LRMDA: variants seen among roughly 807,000 people sequenced by gnomAD.
The protein encoded by LRMDA is leucine-rich melanocyte differentiation-associated protein.
LRMDA carries 18 observed loss-of-function variants against 29.8 expected under a neutral mutation model. The observed-to-expected ratio is 0.60, with a 90% confidence interval of 0.42 to 0.90. LRMDA has a LOEUF of 0.90. LRMDA is among the 40% of genes least tolerant of loss of function. The pLI is 0.00. For synonymous variants in LRMDA, 125 were observed against 109.4 expected (o/e 1.14, Z -0.89); for missense variants, 273 against 273.9 (o/e 1.00, Z 0.02).
rs116786511 is a variant in LRMDA at position 76,083,850 on chromosome 10, A to G, written c.516+25067A>G. Among the ~76,000 whole-genome samples, 488 of 149,524 alleles carry G rather than the reference A, an allele frequency of 3.3e-3. 2 individuals carry two copies. The highest frequency in any genetic ancestry group is 7.2e-3 in the African/African-American group (296 of 40,946). On this transcript the variant is annotated intron_variant, in intron 5 of 6. Coordinates refer to ENST00000611255, the MANE Select transcript of LRMDA (RefSeq NM_001305581.2). The stretch of plus-strand genomic sequence containing the variant: ...CTGCATCTCAAAAAAAAAAAAAAAA[A>G]GGGGCTCTAGTGCATCTTGTGGGGA...
intron 3 of LRMDA, among the ~76,000 whole-genome samples, chr10:76,039,815 T>C (rs1295953243): frequency 2.6e-5 from 4 of 152,234 alleles, no homozygotes; most frequent in African/African-American, 9.6e-5. Context: ...TCAGACATAT[T>C]AGATTCTAGT....
At chr10:75,559,772 C>A (rs1840266992) in intron 2 of LRMDA, among the ~76,000 whole-genome samples, 1 of 118,710 alleles carries the variant, frequency 8.4e-6, no homozygotes, top group Non-Finnish European at 2.0e-5. Flanking sequence ...TTTCCCAGCA[C>A]CATTTATTAA....
intron 2 of LRMDA, among the ~76,000 whole-genome samples, chr10:75,607,614 C>T (rs72809444): frequency 0.013 from 1,927 of 152,214 alleles, 21 homozygotes; most frequent in Non-Finnish European, 0.02. Context: ...TAAACAAATG[C>T]TAAAGCATTA....
At chr10:75,659,240 C>T (rs1841718540) in intron 2 of LRMDA, among the ~76,000 whole-genome samples, 3 of 152,332 alleles carry the variant, frequency 2.0e-5, no homozygotes, top group East Asian at 1.9e-4. Flanking sequence ...TCTCAGTTTA[C>T]GTTACTTTCT....
chr10:76,189,466 A>C (rs923058292), intron 5 of LRMDA, among the ~76,000 whole-genome samples: 1 of 152,150 alleles, frequency 6.6e-6, no homozygotes, highest in Non-Finnish European at 1.5e-5. Context: ...GTTGGACAGT[A>C]CCACCCTGTT....
At chr10:75,562,887 G>C (rs1840317156) in intron 2 of LRMDA, among the ~76,000 whole-genome samples, 1 of 152,138 alleles carries the variant, frequency 6.6e-6, no homozygotes, top group African/African-American at 2.4e-5. Context: ...TAGAGTTTCT[G>C]CTGAGAGATC....
chr10:75,459,819 A>C (rs899398556), intron 2 of LRMDA, among the ~76,000 whole-genome samples: 2 of 152,206 alleles, frequency 1.3e-5, no homozygotes, highest in African/African-American at 4.8e-5. Context: ...GTGGAAGTGC[A>C]AGGGCAAGAG....
intron 5 of LRMDA, among the ~76,000 whole-genome samples, chr10:76,127,744 T>C (rs1452069943): frequency 1.3e-5 from 2 of 152,176 alleles, no homozygotes; most frequent in Non-Finnish European, 2.9e-5. Context: ...AGGAGACTTT[T>C]AAAGTTCTAG....
chr10:75,750,703 C>T (rs1018810221), intron 2 of LRMDA, among the ~76,000 whole-genome samples: 2 of 138,176 alleles, frequency 1.4e-5, no homozygotes, highest in Non-Finnish European at 3.1e-5. Context: ...AGAGGCTCTC[C>T]TCACATCCCA....
intron 6 of LRMDA, among the ~76,000 whole-genome samples, chr10:76,448,545 G>A (rs1842375354): frequency 6.6e-6 from 1 of 151,950 alleles, no homozygotes; most frequent in Non-Finnish European, 1.5e-5. Flanking sequence ...TTACCAGTAG[G>A]ATAGATGAAA....
At chr10:75,659,687 A>G (rs1736823197) in intron 2 of LRMDA, among the ~76,000 whole-genome samples, 2 of 152,244 alleles carry the variant, frequency 1.3e-5, no homozygotes, top group African/African-American at 2.4e-5. Context: ...ACTTTCAGTT[A>G]TAAGATGAGT....
At chr10:75,822,110 C>A (rs1168864036) in intron 2 of LRMDA, among the ~76,000 whole-genome samples, 1 of 152,120 alleles carries the variant, frequency 6.6e-6, no homozygotes. Flanking sequence ...GACTCCTAGA[C>A]TTCAGTAAAG....
At chr10:76,239,454 G>A (rs562942931) in intron 5 of LRMDA, among the ~76,000 whole-genome samples, 16 of 152,178 alleles carry the variant, frequency 1.1e-4, no homozygotes, top group East Asian at 1.9e-4. Flanking sequence ...TATCCAGTTC[G>A]TTTGATTCAG....
chr10:75,838,189 T>A (rs1338845325), intron 2 of LRMDA, among the ~76,000 whole-genome samples: 6 of 152,216 alleles, frequency 3.9e-5, no homozygotes, highest in African/African-American at 1.4e-4. Flanking sequence ...TGGTGATATA[T>A]GAGCGTGGCT....
At chr10:76,237,785 CTTTTTTTTT>C (rs33976322) in intron 5 of LRMDA, among the ~76,000 whole-genome samples, 1 of 84,118 alleles carries the variant, frequency 1.2e-5, no homozygotes, top group South Asian at 5.5e-4. Flanking sequence ...GACAAGAGTG[CTTTTTTTTT>C]TTTTTTTTTT....
At chr10:76,004,106 T>C (rs574052230) in intron 2 of LRMDA, among the ~76,000 whole-genome samples, 3 of 152,360 alleles carry the variant, frequency 2.0e-5, no homozygotes, top group African/African-American at 7.2e-5. Context: ...GTATTAAGAA[T>C]AGATAATTTA....
chr10:75,455,561 A>C (rs751211269), intron 2 of LRMDA, among the ~76,000 whole-genome samples: 6 of 152,118 alleles, frequency 3.9e-5, no homozygotes, highest in Non-Finnish European at 1.5e-5. Flanking sequence ...CTGCCTGGGA[A>C]GCTTATTGTC....
At chr10:76,230,958 C>A (rs538669757) in intron 5 of LRMDA, among the ~76,000 whole-genome samples, 18 of 152,224 alleles carry the variant, frequency 1.2e-4, no homozygotes, top group African/African-American at 4.3e-4. Flanking sequence ...TAGAGGCAAT[C>A]CAGTGATAGA....
chr10:75,473,393 C>T (rs1844750021), intron 2 of LRMDA, among the ~76,000 whole-genome samples: 1 of 152,196 alleles, frequency 6.6e-6, no homozygotes, highest in African/African-American at 2.4e-5. Context: ...ACAGAGATGA[C>T]AGTAAGTGTT....
Sources: gnomAD v4.1 joint callset for allele counts (sites outside exome capture counted in the v4.1 genomes callset) on GRCh38, gnomAD v4.1.1 for gene constraint, MANE v1.5 for transcripts, NCBI Gene and HGNC (gene_info 2026-07-23, HGNC 2026-07-21) for gene names.